CEP63: variants seen among roughly 807,000 people sequenced by gnomAD.
The protein encoded by CEP63 is centrosomal protein of 63 kDa.
Under a neutral mutation model 89.1 loss-of-function variants are expected in CEP63, and 84 were observed. The observed-to-expected ratio is 0.94, with a 90% CI of 0.79 to 1.13. CEP63 has a LOEUF of 1.13. CEP63 is among the 50% of genes most tolerant of loss of function. The pLI, the probability that CEP63 is intolerant of heterozygous loss-of-function variation, is 0.00. For missense variants in CEP63, 838 were observed against 813.3 expected (o/e 1.03, Z -0.37); for synonymous variants, 267 against 272.5 (o/e 0.98, Z 0.20).
intron 11 of CEP63, among the ~76,000 whole-genome samples, chr3:134,572,797 G>T (rs572971621): frequency 1.1e-4 from 16 of 152,244 alleles, no homozygotes; most frequent in African/African-American, 3.6e-4. Flanking sequence ...GGGTCAAATG[G>T]TAGTTCTGTT....
At position 134,546,300 on chromosome 3, in the gene CEP63, C is replaced by T. The variant is rs770182568; in HGVS notation, c.929+12C>T. The T allele has an allele frequency of 1.9e-6, 3 of 1,609,830 alleles. No individual in the cohort carries two copies. Among genetic ancestry groups the T allele is most frequent in the East Asian group, 2.2e-5 (1 of 44,744 alleles). ...GTAGAAGCTATAAGGTAAATTTAAT[C>T]TTAAATATTATTCATCTTAGCCACT... On this transcript the variant is annotated intron_variant, in intron 8 of 14. Coordinates refer to ENST00000675561, the MANE Select transcript of CEP63 (RefSeq NM_001353108.3).
chr3:134,628,428 C>G, the CEP63 span, among the ~76,000 whole-genome samples: 1 of 152,184 alleles, frequency 6.6e-6, no homozygotes, highest in Non-Finnish European at 1.5e-5. Context: ...AGATTTGGGT[C>G]CCTGATGGGA....
chr3:134,648,109 G>A, the CEP63 span, among the ~76,000 whole-genome samples: 74 of 152,352 alleles, frequency 4.9e-4, no homozygotes, highest in Non-Finnish European at 1.5e-5. Context: ...CCGCAAGGTC[G>A]AGTTCCTGGC....
At chr3:134,647,069 C>T in the CEP63 span, among the ~76,000 whole-genome samples, 17 of 152,332 alleles carry the variant, frequency 1.1e-4, no homozygotes, top group East Asian at 1.4e-3. Flanking sequence ...CCAAGGCAGA[C>T]GACTATCCTC....
chr3:134,646,847 T>C, the CEP63 span, among the ~76,000 whole-genome samples: 4 of 152,174 alleles, frequency 2.6e-5, no homozygotes, highest in African/African-American at 9.7e-5. Flanking sequence ...CCCTGGAGGC[T>C]GGGCTAATGA....
intron 9 of CEP63, among the ~76,000 whole-genome samples, chr3:134,548,170 C>T (rs1446492097): frequency 6.6e-6 from 1 of 152,200 alleles, no homozygotes; most frequent in Non-Finnish European, 1.5e-5. Context: ...AATCCTATGT[C>T]TCCGTCAAGT....
chr3:134,629,646 C>A, the CEP63 span: 1 of 1,601,934 alleles, frequency 6.2e-7, no homozygotes, highest in South Asian at 1.1e-5. Flanking sequence ...ACTTCTTGAG[C>A]AGCTGGGGCA....
the CEP63 span, among the ~76,000 whole-genome samples, chr3:134,748,844 T>G: frequency 6.6e-6 from 1 of 152,062 alleles, no homozygotes; most frequent in Non-Finnish European, 1.5e-5. Context: ...AGGACACGGA[T>G]GCAGGCTAGT....
intron 3 of CEP63, among the ~76,000 whole-genome samples, chr3:134,527,476 G>A (rs947260732): frequency 1.3e-5 from 2 of 152,154 alleles, no homozygotes; most frequent in East Asian, 1.9e-4. Flanking sequence ...CTGCAGTGGT[G>A]GTCAGTGGGG....
In CEP63 at chr3:134,532,726, C is replaced by A. The variant is rs571367867; in HGVS notation, c.319-52C>A. 1.1e-5 allele frequency: 16 copies of A among 1,480,164 alleles called. No homozygotes were observed. In the East Asian group the frequency reaches 3.6e-4, roughly 34 times the overall value. 91.7% of individuals were successfully genotyped at this position (1,480,164 alleles called of 1,614,324 possible). On this transcript the variant is annotated intron_variant, in intron 4 of 14. Transcript: ENST00000675561. The stretch of plus-strand genomic sequence containing the variant: ...TTCATAATACCAATTTGTCTCACCA[C>A]TACTTCTTACAAATTCTTAAACTTT...
chr3:134,687,399 G>C, the CEP63 span, among the ~76,000 whole-genome samples: 2 of 152,238 alleles, frequency 1.3e-5, no homozygotes. Flanking sequence ...GTGAGCTTCA[G>C]CCTGGATGAA....
At chr3:134,488,027 A>G (rs1936243455) in intron 1 of CEP63, 1 of 152,190 alleles carries the variant, frequency 6.6e-6, no homozygotes, top group Admixed American at 6.5e-5. Flanking sequence ...AGGGGCCCCC[A>G]AACCCGGGGC....
chr3:134,731,037 T>A, the CEP63 span, among the ~76,000 whole-genome samples: 1 of 152,160 alleles, frequency 6.6e-6, no homozygotes, highest in African/African-American at 2.4e-5. Flanking sequence ...AATCAAGATA[T>A]AATGGTAAAA....
chr3:134,555,104 G>T (rs1248468142), intron 12 of CEP63, among the ~76,000 whole-genome samples: 1 of 151,424 alleles, frequency 6.6e-6, no homozygotes, highest in Non-Finnish European at 1.5e-5. Context: ...AATAAATTAG[G>T]TATTGATGGG....
chr3:134,757,057 G>T, the CEP63 span, among the ~76,000 whole-genome samples: 3 of 152,132 alleles, frequency 2.0e-5, no homozygotes, highest in African/African-American at 7.2e-5. Context: ...AGCCTCTAAA[G>T]CACAGACCAC....
chr3:134,528,933 T>G (rs1172048116), intron 3 of CEP63, among the ~76,000 whole-genome samples: 1 of 152,206 alleles, frequency 6.6e-6, no homozygotes, highest in Non-Finnish European at 1.5e-5. Flanking sequence ...GTAGGTGGGC[T>G]TAGGGTCAGC....
chr3:134,698,895 C>T, the CEP63 span, among the ~76,000 whole-genome samples: 4 of 152,230 alleles, frequency 2.6e-5, no homozygotes, highest in Non-Finnish European at 5.9e-5. Context: ...TGGATGGGCA[C>T]ATCACCAGCT....
intron 1 of CEP63, among the ~76,000 whole-genome samples, chr3:134,489,572 G>C (rs538555249): frequency 1.3e-5 from 2 of 152,236 alleles, no homozygotes; most frequent in African/African-American, 4.8e-5. Context: ...AAGTCCTTTT[G>C]TGGGGTTATA....
the CEP63 span, among the ~76,000 whole-genome samples, chr3:134,697,976 C>T: frequency 3.9e-5 from 6 of 152,302 alleles, no homozygotes; most frequent in South Asian, 6.2e-4. Flanking sequence ...CGTTAGGACA[C>T]GAGTGTCAGA....
Sources: allele counts gnomAD v4.1 joint callset (sites outside exome capture counted in the v4.1 genomes callset), GRCh38; gene constraint gnomAD v4.1.1; transcripts MANE v1.5; gene names NCBI Gene and HGNC (gene_info 2026-07-23, HGNC 2026-07-21).